VWA8: variants seen among roughly 807,000 people sequenced by gnomAD.
The protein encoded by VWA8 is von Willebrand factor A domain containing 8, also known as von Willebrand factor A domain-containing protein 8.
A neutral mutation model predicts 241.5 loss-of-function variants in VWA8; 221 were observed. The ratio of observed to expected loss-of-function variants is 0.91; its 90% CI spans 0.82 to 1.02. The LOEUF is 1.02. Among genes scored for constraint, VWA8 ranks in the 50% least tolerant of loss-of-function variants. VWA8 has a pLI of 0.00. For synonymous variants in VWA8, 852 were observed against 827.1 expected, an observed-to-expected ratio of 1.03 and a Z score of -0.52; for missense variants, 2,322 against 2,328.7, an observed-to-expected ratio of 1.00 and a Z score of 0.06.
chr13:41,707,072 G>GT, intron 26 of VWA8, among the ~76,000 whole-genome samples: 1 of 152,246 alleles, frequency 6.6e-6, no homozygotes, highest in South Asian at 2.1e-4. Context: ...TAAAAGAAAG[G>GT]TGAGTATCAT....
intron 42 of VWA8, among the ~76,000 whole-genome samples, chr13:41,577,585 G>C (rs548189221): frequency 3.3e-5 from 5 of 152,190 alleles, no homozygotes; most frequent in Non-Finnish European, 7.3e-5. Flanking sequence ...ACACTCCAGG[G>C]AGGCCCCGAC....
intron 29 of VWA8, chr13:41,695,990 TTAAAA>T (rs1483685778): frequency 6.6e-6 from 1 of 152,194 alleles, no homozygotes; most frequent in Non-Finnish European, 1.5e-5. Context: ...GGCAGGACTG[TTAAAA>T]TAAATATTCC....
intron 34 of VWA8, 46 bp downstream of exon 34, chr13:41,689,307 TA>T: frequency 6.4e-7 from 1 of 1,574,444 alleles, no homozygotes; most frequent in Non-Finnish European, 8.6e-7. Flanking sequence ...TAGGTCAAAC[TA>T]AGGGAAAGAA....
intron 9 of VWA8, among the ~76,000 whole-genome samples, chr13:41,870,444 G>C (rs1037547633): frequency 3.4e-4 from 51 of 152,148 alleles, no homozygotes; most frequent in Non-Finnish European, 2.2e-4. Flanking sequence ...TTCAAGACCA[G>C]CCTGGCCAAC....
chr13:41,623,785 A>T (rs1408359236), intron 37 of VWA8, among the ~76,000 whole-genome samples: 1 of 152,210 alleles, frequency 6.6e-6, no homozygotes, highest in Non-Finnish European at 1.5e-5. Context: ...AAAAGGGAAC[A>T]AAGTCACAGC....
intron 29 of VWA8, among the ~76,000 whole-genome samples, chr13:41,694,293 G>C (rs1184325492): frequency 2.6e-5 from 4 of 151,866 alleles, no homozygotes; most frequent in Non-Finnish European, 5.9e-5. Flanking sequence ...AATTAAAATA[G>C]TATTTGCACC....
In VWA8 at chr13:41,573,842, G is replaced by A. The variant is rs1056381160; in HGVS notation, c.5370+1898C>T. Among the ~76,000 whole-genome samples the A allele has an allele frequency of 9.2e-5, 14 of 151,582 alleles. No individual in the cohort carries two copies. In the East Asian group the frequency reaches 2.5e-3, roughly 27 times the overall value. ...TCGCCAGGTTGGCCGGGCTGGTATC[G>A]AGCTCCTGGCCTCAGGTGGTCTGCC... On this transcript the variant is annotated intron_variant, in intron 43 of 44. Transcript: ENST00000379310.
At chr13:41,810,383 A>G (rs1269826962) in intron 17 of VWA8, among the ~76,000 whole-genome samples, 1 of 152,160 alleles carries the variant, frequency 6.6e-6, no homozygotes, top group Non-Finnish European at 1.5e-5. Flanking sequence ...CTAAGTGTTC[A>G]TCAACAGACA....
chr13:41,840,314 G>A (rs941316107), intron 12 of VWA8, among the ~76,000 whole-genome samples: 8 of 152,054 alleles, frequency 5.3e-5, no homozygotes, highest in African/African-American at 1.9e-4. Context: ...GCCTGTCTGG[G>A]GATGGCGGGG....
rs994752144 is a variant in VWA8 at position 41,880,649 on chromosome 13, A to G, written c.1080+2738T>C. 2.6e-5 allele frequency among the ~76,000 whole-genome samples: 4 copies of G among 152,352 alleles called. No homozygotes were observed. In the East Asian group the frequency reaches 7.7e-4, roughly 29 times the overall value. The stretch of plus-strand genomic sequence containing the variant: ...GTCTTTCATGTCTGAACAGTTTTAA[A>G]GAATAGAGGCCTATGTTCTATACAA... On this transcript the variant is annotated intron_variant, in intron 9 of 44. Coordinates refer to ENST00000379310, the MANE Select transcript of VWA8 (RefSeq NM_015058.2).
At chr13:41,604,391 ATCTT>A (rs1327101229) in intron 40 of VWA8, among the ~76,000 whole-genome samples, 1 of 152,116 alleles carries the variant, frequency 6.6e-6, no homozygotes, top group Non-Finnish European at 1.5e-5. Flanking sequence ...TATTATAAAG[ATCTT>A]TCCTCCTGGA....
intron 13 of VWA8, 78 bp from the exon 14 acceptor site, chr13:41,830,720 G>A: frequency 8.1e-7 from 1 of 1,236,338 alleles, no homozygotes. Flanking sequence ...GAATCAGTCA[G>A]CCAACAGTCT....
intron 2 of VWA8, among the ~76,000 whole-genome samples, chr13:41,929,949 CTT>C (rs1253002337): frequency 6.6e-6 from 1 of 152,056 alleles, no homozygotes; most frequent in East Asian, 1.9e-4. Flanking sequence ...GAAAAGGTAA[CTT>C]ATCAATTAGG....
At chr13:41,926,517 A>G in intron 2 of VWA8, 1 of 535,348 alleles carries the variant, frequency 1.9e-6, no homozygotes, top group Admixed American at 2.0e-5. Flanking sequence ...GGTGGCACCA[A>G]GCAGATTTAT....
intron 21 of VWA8, among the ~76,000 whole-genome samples, chr13:41,748,608 G>A (rs1318792959): frequency 6.6e-6 from 1 of 151,906 alleles, no homozygotes; most frequent in Non-Finnish European, 1.5e-5. Flanking sequence ...CTTCAGTTCT[G>A]CTCTGATCTT....
chr13:41,739,841 TTTTTTTG>T (rs2045554317), intron 21 of VWA8, among the ~76,000 whole-genome samples: 1 of 55,444 alleles, frequency 1.8e-5, no homozygotes, highest in African/African-American at 5.7e-5. Flanking sequence ...TTTTTTTTGT[TTTTTTTG>T]TTTTTTTTGT....
At chr13:41,914,869 C>A (rs1305354789) in intron 2 of VWA8, among the ~76,000 whole-genome samples, 1 of 152,174 alleles carries the variant, frequency 6.6e-6, no homozygotes, top group Admixed American at 6.5e-5. Flanking sequence ...CTTCCTCCCA[C>A]CTTTTATTAT....
At chr13:41,884,858 C>A (rs1050711129) in intron 8 of VWA8, among the ~76,000 whole-genome samples, 1 of 151,918 alleles carries the variant, frequency 6.6e-6, no homozygotes, top group Non-Finnish European at 1.5e-5. Context: ...TCAACAATAC[C>A]TAGGCTCCCT....
intron 37 of VWA8, among the ~76,000 whole-genome samples, chr13:41,657,769 G>A (rs556067461): frequency 3.9e-5 from 6 of 152,332 alleles, no homozygotes; most frequent in South Asian, 2.1e-4. Context: ...GATTACAGGC[G>A]TGAGCCACCG....
Sources: allele counts gnomAD v4.1 joint callset (sites outside exome capture counted in the v4.1 genomes callset), GRCh38; gene constraint gnomAD v4.1.1; transcripts MANE v1.5; gene names NCBI Gene and HGNC (gene_info 2026-07-23, HGNC 2026-07-21).